The following PAPPA2 variants were observed in gnomAD, a reference collection of about 807,000 sequenced individuals.
The protein encoded by PAPPA2 is pappalysin 2.
PAPPA2 carries 86 observed loss-of-function variants against 176.4 expected under a neutral mutation model. That is an observed-to-expected ratio of 0.49 (90% CI 0.41 to 0.58). The LOEUF is 0.58. Among genes scored for constraint, PAPPA2 ranks in the 20% least tolerant of loss-of-function variants. The pLI is 0.00. For synonymous variants in PAPPA2, 809 were observed against 852.2 expected, an observed-to-expected ratio of 0.95 and a Z score of 0.88; for missense variants, 2,073 against 2,256.9, an observed-to-expected ratio of 0.92 and a Z score of 1.65.
intron 14 of PAPPA2, among the ~76,000 whole-genome samples, chr1:176,748,628 C>T (rs558315017): frequency 1.3e-5 from 2 of 152,128 alleles, no homozygotes; most frequent in African/African-American, 4.8e-5. Flanking sequence ...AGTCATGTAC[C>T]ACATTACATT....
intron 3 of PAPPA2, among the ~76,000 whole-genome samples, chr1:176,608,898 G>A (rs531466306): frequency 1.3e-5 from 2 of 152,036 alleles, no homozygotes; most frequent in East Asian, 1.9e-4. Flanking sequence ...ATTATTCACC[G>A]GTTTTAGTTG....
In PAPPA2 at chr1:176,687,093, A is replaced by G. The variant is rs77073587; in HGVS notation, c.2138-3044A>G. Among the ~76,000 whole-genome samples, 6 of 152,294 alleles carry G rather than the reference A, an allele frequency of 3.9e-5. 1 individual carries two copies. The East Asian group carries it at 1.2e-3, about 29-fold the overall frequency. On this transcript the variant is annotated intron_variant, in intron 4 of 22. Coordinates refer to ENST00000367662, the MANE Select transcript of PAPPA2 (RefSeq NM_020318.3). ...TTTCTATATTTCTATATTTTGTGCA[A>G]TCTCCTAGTTAACACACATGTAGTT...
At chr1:176,502,620 T>C (rs571769641) in intron 1 of PAPPA2, among the ~76,000 whole-genome samples, 2 of 152,268 alleles carry the variant, frequency 1.3e-5, no homozygotes, top group Admixed American at 6.5e-5. Context: ...TTTCAGATGG[T>C]GGGGCAAGAT....
rs116668628 is a variant in PAPPA2 at position 176,699,406 on chromosome 1, C to T, written c.3053C>T (p.Ser1018Leu). 1.2e-3 allele frequency: 1,951 copies of T among 1,614,062 alleles called. 17 individuals carry two copies. In the African/African-American group the frequency reaches 0.023, roughly 19 times the overall value. Residue 1018 changes from serine to leucine, a missense_variant, in exon 8 of 23, where the codon TCG (serine) becomes TTG (leucine). Coordinates refer to ENST00000367662, the MANE Select transcript of PAPPA2 (RefSeq NM_020318.3). Reference sequence around the variant, plus strand: ...AAACTGCACGTGGATGGGAAGGTGTCGGGGGTGAAAGTCTACACCTTTGAT... The same window carrying T: ...AAACTGCACGTGGATGGGAAGGTGTTGGGGGTGAAAGTCTACACCTTTGAT... ...TIKLHVDGKVSGVKVYTFDER... is the reference protein window; with the variant it reads ...TIKLHVDGKVLGVKVYTFDER...
chr1:176,599,315 T>C (rs1028959995), intron 3 of PAPPA2, among the ~76,000 whole-genome samples: 7 of 152,130 alleles, frequency 4.6e-5, no homozygotes, highest in African/African-American at 1.7e-4. Flanking sequence ...TTTATTGTTC[T>C]TTTGTTGAAC....
At chr1:176,613,451 A>G (rs999786189) in intron 3 of PAPPA2, among the ~76,000 whole-genome samples, 1 of 152,206 alleles carries the variant, frequency 6.6e-6, no homozygotes, top group African/African-American at 2.4e-5. Context: ...AGAGAAGTCA[A>G]CTGGCTCTTG....
chr1:176,618,986 T>C (rs1257541069), intron 3 of PAPPA2, among the ~76,000 whole-genome samples: 1 of 152,116 alleles, frequency 6.6e-6, no homozygotes, highest in Non-Finnish European at 1.5e-5. Context: ...GGGTCATCAA[T>C]AGGATAGCCA....
At chr1:176,788,805 A>G (rs1406465816) in intron 17 of PAPPA2, among the ~76,000 whole-genome samples, 1 of 152,246 alleles carries the variant, frequency 6.6e-6, no homozygotes, top group Non-Finnish European at 1.5e-5. Flanking sequence ...AAGGAAAAAT[A>G]AACTTGTAAA....
In PAPPA2 at chr1:176,842,558, G is replaced by A; in HGVS notation, c.*104G>A. The A allele has an allele frequency of 3.0e-6, 3 of 1,010,712 alleles. No individual in the cohort carries two copies. In the Admixed American group the frequency reaches 6.4e-5, roughly 21 times the overall value. The allele number at this position is 1,010,712 out of a possible 1,614,324, so 62.6% of individuals were successfully genotyped here. ...AATGAAGAAGAACAATCATGAAATG[G>A]AAGAAGGAGGAAGAGCATGAAGGAT... is the stretch of plus-strand genomic sequence containing the variant. On this transcript the variant is annotated 3_prime_UTR_variant, in exon 23 of 23. Coordinates refer to ENST00000367662, the MANE Select transcript of PAPPA2 (RefSeq NM_020318.3).
intron 1 of PAPPA2, among the ~76,000 whole-genome samples, chr1:176,502,170 T>G (rs1046406989): frequency 6.6e-6 from 1 of 152,328 alleles, no homozygotes. Flanking sequence ...CAAGACTTGA[T>G]AGCTGTCTGC....
At chr1:176,769,544 C>G in intron 15 of PAPPA2, 63 bp from the exon 16 acceptor site, 2 of 1,517,110 alleles carry the variant, frequency 1.3e-6, no homozygotes, top group Non-Finnish European at 1.8e-6. Flanking sequence ...CTTCTAAAGC[C>G]TGGAAACTAC....
chr1:176,771,649 CA>C (rs1376025938), intron 17 of PAPPA2, among the ~76,000 whole-genome samples: 1 of 152,166 alleles, frequency 6.6e-6, no homozygotes, highest in Non-Finnish European at 1.5e-5. Flanking sequence ...TTATATCAAT[CA>C]AACATAAAAT....
intron 21 of PAPPA2, among the ~76,000 whole-genome samples, chr1:176,824,472 T>C (rs1382841909): frequency 6.6e-6 from 1 of 152,246 alleles, no homozygotes; most frequent in Non-Finnish European, 1.5e-5. Flanking sequence ...CTTGGGAAAT[T>C]TCTTATGCAT....
At chr1:176,525,988 A>T (rs1573000055) in intron 1 of PAPPA2, among the ~76,000 whole-genome samples, 1 of 152,156 alleles carries the variant, frequency 6.6e-6, no homozygotes, top group African/African-American at 2.4e-5. Flanking sequence ...CTCCATGCTT[A>T]TGGAGGTTAT....
At position 176,712,086 on chromosome 1, in the gene PAPPA2, A is replaced by G. The variant is rs1661172966; in HGVS notation, c.3798+105A>G. 5.0e-6 allele frequency: 7 copies of G among 1,386,336 alleles called. No homozygotes were observed. In the East Asian group the frequency reaches 9.7e-5, roughly 19 times the overall value. 85.9% of individuals were successfully genotyped at this position (1,386,336 alleles called of 1,614,324 possible). ...ATGGTGCATTTGGATGACTTGTCAG[A>G]AAATTTTCTTTTGTTATCTCAAAGT... On this transcript the variant is annotated intron_variant, in intron 12 of 22. Transcript: ENST00000367662.
chr1:176,584,065 G>A (rs61821128), intron 2 of PAPPA2, among the ~76,000 whole-genome samples: 23,405 of 152,136 alleles, frequency 0.15, 2,040 homozygotes, highest in South Asian at 0.25. Flanking sequence ...ATTGACACCT[G>A]TTTTGTGTCC....
At chr1:176,800,266 G>A (rs1665625982) in intron 21 of PAPPA2, 134 bp downstream of exon 21, 1 of 815,990 alleles carries the variant, frequency 1.2e-6, no homozygotes, top group Non-Finnish European at 1.8e-6. Context: ...CTTAAATTAA[G>A]TTGGTTCCAC....
intron 3 of PAPPA2, among the ~76,000 whole-genome samples, chr1:176,664,267 T>A (rs1658506006): frequency 6.6e-6 from 1 of 152,210 alleles, no homozygotes; most frequent in Admixed American, 6.5e-5. Context: ...AAGATCAGGA[T>A]GTCAACAAGG....
intron 2 of PAPPA2, among the ~76,000 whole-genome samples, chr1:176,565,736 T>C (rs764290672): frequency 6.6e-6 from 1 of 152,160 alleles, no homozygotes; most frequent in African/African-American, 2.4e-5. Flanking sequence ...CTGGTGAGTA[T>C]GGTTTGGCCA....
Sources: allele counts gnomAD v4.1 joint callset (sites outside exome capture counted in the v4.1 genomes callset), GRCh38; gene constraint gnomAD v4.1.1; transcripts MANE v1.5; gene names NCBI Gene and HGNC (gene_info 2026-07-23, HGNC 2026-07-21).